COL5A2: variants seen among roughly 807,000 people sequenced by gnomAD.
COL5A2 encodes collagen type V alpha 2 chain.
A neutral mutation model predicts 208.2 loss-of-function variants in COL5A2; 23 were observed. The observed-to-expected ratio is 0.11, with a 90% CI of 0.08 to 0.16. COL5A2 has a LOEUF of 0.16. Ranked by LOEUF, COL5A2 falls within the 10% of genes least tolerant of loss-of-function variation. The probability of loss-of-function intolerance (pLI) is 1.00; values close to 1 mark genes in which losing one functional copy is unlikely to be tolerated. For synonymous variants in COL5A2, 625 were observed against 628.5 expected (o/e 0.99, Z 0.08); for missense variants, 1,590 against 1,956.4 (o/e 0.81, Z 3.53).
rs141830923 is a variant in COL5A2, at chr2:189,039,985, T to C, written c.3634-422A>G. On this transcript the variant is annotated intron_variant, in intron 50 of 53. Transcript: ENST00000374866. ...AAGCATGCAGGGGAATAGTGGCTGC[T>C]GGTTCTATAAGATTACATGTCAATA... 2.0e-5 allele frequency among the ~76,000 whole-genome samples: 3 copies of C among 152,296 alleles called. No individual in the cohort carries two copies. The East Asian group carries it at 5.8e-4, about 29-fold the overall frequency.
At chr2:189,227,071 T>C (rs1312083281), upstream of COL5A2, among the ~76,000 whole-genome samples, 2 of 152,082 alleles carry the variant, frequency 1.3e-5, no homozygotes, top group East Asian at 1.9e-4. Context: ...CAGAAAAACT[T>C]TGAGAGGCCT....
At chr2:189,250,473 A>T in the COL5A2 span, among the ~76,000 whole-genome samples, 1 of 152,152 alleles carries the variant, frequency 6.6e-6, no homozygotes, top group African/African-American at 2.4e-5. Flanking sequence ...AATATCTGAG[A>T]CCAAACAATC....
At chr2:189,272,509 C>T in the COL5A2 span, among the ~76,000 whole-genome samples, 4 of 151,774 alleles carry the variant, frequency 2.6e-5, no homozygotes, top group East Asian at 1.9e-4. Flanking sequence ...CAGGGCCTGT[C>T]GAGGGGTGGA....
the COL5A2 span, among the ~76,000 whole-genome samples, chr2:189,283,015 AAT>A: frequency 6.6e-6 from 1 of 152,302 alleles, no homozygotes; most frequent in South Asian, 2.1e-4. Flanking sequence ...AGCAACATTC[AAT>A]CACTGTCTAC....
intron 1 of COL5A2, among the ~76,000 whole-genome samples, 156 bp downstream of exon 1, chr2:189,179,352 T>C (rs950695179): frequency 2.0e-5 from 3 of 152,146 alleles, no homozygotes; most frequent in African/African-American, 7.2e-5. Context: ...AACATCCCAA[T>C]TGTCTTTCAA....
In COL5A2 at chr2:189,075,453, A is replaced by G. The variant is rs1393161866; in HGVS notation, c.1060-16T>C. On this transcript the variant is annotated splice_polypyrimidine_tract_variant and intron_variant, in intron 16 of 53. Transcript: ENST00000374866. Reference sequence around the variant, plus strand: ...CTCGTTGTCCCTAATTAAGAGAAAAAGAGACAAGACAGGATAAGATTACAT... The same window carrying G: ...CTCGTTGTCCCTAATTAAGAGAAAAGGAGACAAGACAGGATAAGATTACAT... 6.3e-7 allele frequency: 1 copy of G among 1,598,932 alleles called. No homozygotes were observed. Among genetic ancestry groups the G allele is most frequent in the Non-Finnish European group, 8.6e-7 (1 of 1,166,810 alleles).
the COL5A2 span, among the ~76,000 whole-genome samples, chr2:189,299,904 T>C: frequency 6.6e-6 from 1 of 152,168 alleles, no homozygotes; most frequent in African/African-American, 2.4e-5. Flanking sequence ...TATTAAGAAC[T>C]AACCTATTGT....
At chr2:189,106,607 A>G (rs1038323112) in intron 2 of COL5A2, among the ~76,000 whole-genome samples, 1 of 151,008 alleles carries the variant, frequency 6.6e-6, no homozygotes, top group Non-Finnish European at 1.5e-5. Context: ...TTAATGTCAA[A>G]TTATTTATTC....
At chr2:189,360,910 G>T in the COL5A2 span, among the ~76,000 whole-genome samples, 2 of 151,022 alleles carry the variant, frequency 1.3e-5, no homozygotes. Context: ...GAGGATAATG[G>T]CTTCCAGCTC....
chr2:189,088,308 G>A (rs1686708128), intron 8 of COL5A2, among the ~76,000 whole-genome samples: 1 of 152,090 alleles, frequency 6.6e-6, no homozygotes, highest in Non-Finnish European at 1.5e-5. Flanking sequence ...AATGAAAATA[G>A]CAAAACATCT....
the COL5A2 span, among the ~76,000 whole-genome samples, chr2:189,429,228 A>G: frequency 6.6e-6 from 1 of 152,326 alleles, no homozygotes; most frequent in East Asian, 1.9e-4. Flanking sequence ...TAATAAATAC[A>G]TAGAATTTTA....
the COL5A2 span, among the ~76,000 whole-genome samples, chr2:189,420,238 CA>C: frequency 3.8e-4 from 58 of 152,022 alleles, no homozygotes; most frequent in Admixed American, 2.7e-3. Context: ...TCCATGATTC[CA>C]AGTATTAATG....
At chr2:189,229,444 A>C (rs866606011), upstream of COL5A2, among the ~76,000 whole-genome samples, 2,332 of 151,430 alleles carry the variant, frequency 0.015, 28 homozygotes, top group South Asian at 0.04. Flanking sequence ...ACACACACAA[A>C]AAAAAAACCT....
chr2:189,190,469 CT>C (rs1312807436), intron 1 of COL5A2, among the ~76,000 whole-genome samples: 4 of 152,112 alleles, frequency 2.6e-5, no homozygotes, highest in East Asian at 3.9e-4. Flanking sequence ...ATTTATCTTC[CT>C]GTTAATTTAC....
At chr2:189,349,594 AT>A in the COL5A2 span, among the ~76,000 whole-genome samples, 2 of 152,288 alleles carry the variant, frequency 1.3e-5, no homozygotes, top group East Asian at 1.9e-4. Context: ...GTTGAAAAAT[AT>A]TTTTTGAAGC....
chr2:189,053,310 T>C (rs1685831394), intron 38 of COL5A2, 114 bp downstream of exon 38: 2 of 984,964 alleles, frequency 2.0e-6, no homozygotes, highest in Middle Eastern at 2.9e-4. Flanking sequence ...GAATATTGTC[T>C]AGAAAACTGT....
intron 21 of COL5A2, among the ~76,000 whole-genome samples, chr2:189,067,684 C>G (rs541517898): frequency 6.6e-6 from 1 of 152,162 alleles, no homozygotes; most frequent in South Asian, 2.1e-4. Context: ...TATTGAAGCT[C>G]CATATTCCTC....
chr2:189,040,583 T>C (rs1354150289), intron 50 of COL5A2, among the ~76,000 whole-genome samples: 1 of 152,196 alleles, frequency 6.6e-6, no homozygotes, highest in Non-Finnish European at 1.5e-5. Flanking sequence ...GCTCTGCCAC[T>C]TGTTATATGG....
At chr2:189,239,655 A>G in the COL5A2 span, among the ~76,000 whole-genome samples, 1 of 149,958 alleles carries the variant, frequency 6.7e-6, no homozygotes, top group Non-Finnish European at 1.5e-5. Context: ...GCATTGGGAG[A>G]TATACCTAAT....
Sources: allele counts gnomAD v4.1 joint callset (sites outside exome capture counted in the v4.1 genomes callset), GRCh38; gene constraint gnomAD v4.1.1; transcripts MANE v1.5; gene names NCBI Gene and HGNC (gene_info 2026-07-23, HGNC 2026-07-21).